The following USP46 variants were observed in gnomAD, a reference collection of about 807,000 sequenced individuals.
The protein encoded by USP46 is ubiquitin carboxyl-terminal hydrolase 46.
In USP46, 12 loss-of-function variants were observed where a neutral mutation model predicts 44.4. That is an observed-to-expected ratio of 0.27 (90% confidence interval 0.17 to 0.44). The LOEUF is 0.44. Ranked by LOEUF, USP46 falls within the 20% of genes least tolerant of loss-of-function variation. The probability of loss-of-function intolerance (pLI) is 1.00; values close to 1 mark genes in which losing one functional copy is unlikely to be tolerated. For synonymous variants in USP46, 155 were observed against 161.5 expected (o/e 0.96, Z 0.31); for missense variants, 248 against 444.8 (o/e 0.56, Z 3.98).
At chr4:52,647,188 C>T (rs374914387) in intron 1 of USP46, among the ~76,000 whole-genome samples, 10 of 152,164 alleles carry the variant, frequency 6.6e-5, no homozygotes, top group African/African-American at 2.2e-4. Flanking sequence ...GACCCTCCTA[C>T]AAGACACAAA....
At chr4:52,604,641 T>C in intron 5 of USP46, 57 bp from the exon 6 acceptor site, 1 of 1,211,496 alleles carries the variant, frequency 8.3e-7, no homozygotes, top group Admixed American at 2.4e-5. Context: ...TGGTATACTA[T>C]GTTTTAAATC....
chr4:52,631,010 T>C, intron 2 of USP46, 54 bp downstream of exon 2: 1 of 1,451,584 alleles, frequency 6.9e-7, no homozygotes, highest in Non-Finnish European at 9.4e-7. Context: ...TAAAGTGGAG[T>C]TGCTTCATAT....
intron 2 of USP46, 71 bp from the exon 3 acceptor site, chr4:52,628,234 G>A: frequency 6.7e-7 from 1 of 1,486,798 alleles, no homozygotes; most frequent in Non-Finnish European, 9.2e-7. Context: ...AAGTGGTGAG[G>A]GTGAGAAGGT....
At chr4:52,643,250 T>C (rs973238520) in intron 1 of USP46, among the ~76,000 whole-genome samples, 3 of 152,184 alleles carry the variant, frequency 2.0e-5, no homozygotes, top group East Asian at 1.9e-4. Flanking sequence ...TTCCCACTCA[T>C]AGAATCCTGT....
chr4:52,647,749 A>G (rs947047537), intron 1 of USP46, among the ~76,000 whole-genome samples: 3 of 152,302 alleles, frequency 2.0e-5, no homozygotes, highest in Non-Finnish European at 2.9e-5. Context: ...ACTGAAAACC[A>G]TAGCTGGTTT....
rs1378511772 is a variant in USP46 at position 52,594,928 on chromosome 4, C to G, written c.*2712G>C. The G allele has an allele frequency of 6.6e-6, 1 of 152,108 alleles. No homozygotes were observed. Among genetic ancestry groups the G allele is most frequent in the South Asian group, 2.1e-4 (1 of 4,822 alleles). The allele number at this position is 152,108 out of a possible 1,614,324, so 9.4% of individuals were successfully genotyped here. The stretch of plus-strand genomic sequence containing the variant: ...GCATCAACACAATAGGACCAGATGC[C>G]AGCATTTTACCAACATTTACTTTTA... On this transcript the variant is annotated 3_prime_UTR_variant, in exon 9 of 9. Transcript: ENST00000441222.
intron 4 of USP46, among the ~76,000 whole-genome samples, chr4:52,611,088 T>C (rs1177674189): frequency 2.0e-5 from 3 of 151,782 alleles, no homozygotes; most frequent in Non-Finnish European, 4.4e-5. Flanking sequence ...TCATTCAAAC[T>C]GTGTGGTGGG....
intron 1 of USP46, among the ~76,000 whole-genome samples, chr4:52,653,849 G>A (rs1718857611): frequency 6.6e-6 from 1 of 152,092 alleles, no homozygotes; most frequent in Non-Finnish European, 1.5e-5. Flanking sequence ...GGAAAAAAAA[G>A]ACATCTGAGC....
At chr4:52,650,587 A>T (rs1042038464) in intron 1 of USP46, among the ~76,000 whole-genome samples, 3 of 152,270 alleles carry the variant, frequency 2.0e-5, no homozygotes, top group Non-Finnish European at 4.4e-5. Context: ...AAGTAACCAA[A>T]TATGGCTACA....
At chr4:52,614,851 A>C (rs141667022) in intron 4 of USP46, among the ~76,000 whole-genome samples, 1,776 of 152,356 alleles carry the variant, frequency 0.012, 22 homozygotes, top group Non-Finnish European at 0.017. Flanking sequence ...CAACTACAGC[A>C]TAAAGAACAA....
In USP46 at chr4:52,659,099, C is replaced by G. The variant is rs754789157; in HGVS notation, c.36+16G>C. 1.3e-6 allele frequency: 2 copies of G among 1,555,290 alleles called. No homozygotes were observed. Among genetic ancestry groups the G allele is most frequent in the African/African-American group, 2.8e-5 (2 of 70,736 alleles). On this transcript the variant is annotated intron_variant, in intron 1 of 8. Transcript: ENST00000441222. This position sits in a 1 kb window ranked among gnomAD's most constrained non-coding sequence, Gnocchi z 4.2. ...CCGCGAGTCGGGCGCGACCCCGAGG[C>G]GGCTCGGCCACTCACCATATTACAG... is the stretch of plus-strand genomic sequence containing the variant.
At chr4:52,641,608 A>G (rs1718343082) in intron 1 of USP46, among the ~76,000 whole-genome samples, 1 of 152,238 alleles carries the variant, frequency 6.6e-6, no homozygotes, top group South Asian at 2.1e-4. Context: ...CAATGGCATT[A>G]AAAGGTCTGG....
chr4:52,617,890 C>A (rs1717223418), intron 4 of USP46, among the ~76,000 whole-genome samples: 1 of 152,194 alleles, frequency 6.6e-6, no homozygotes, highest in Non-Finnish European at 1.5e-5. Flanking sequence ...TTAGCAAGTA[C>A]AAGCTATATC....
intron 1 of USP46, among the ~76,000 whole-genome samples, chr4:52,644,517 A>G (rs1004740048): frequency 6.6e-6 from 1 of 152,138 alleles, no homozygotes; most frequent in East Asian, 1.9e-4. Flanking sequence ...CAGCAATAGC[A>G]TTAGATTCTC....
intron 7 of USP46, among the ~76,000 whole-genome samples, chr4:52,599,637 T>A (rs1716383624): frequency 6.6e-6 from 1 of 152,190 alleles, no homozygotes; most frequent in Non-Finnish European, 1.5e-5. Context: ...AAAGGACAAC[T>A]AAGCACCTGT....
chr4:52,635,732 C>A (rs535475307), intron 1 of USP46, among the ~76,000 whole-genome samples: 1 of 152,206 alleles, frequency 6.6e-6, no homozygotes, highest in African/African-American at 2.4e-5. Flanking sequence ...CACACACCCA[C>A]ACTGCCCCAA....
At chr4:52,633,286 T>C (rs926681024) in intron 1 of USP46, among the ~76,000 whole-genome samples, 4 of 152,224 alleles carry the variant, frequency 2.6e-5, no homozygotes, top group Non-Finnish European at 5.9e-5. Context: ...CTTAATACTG[T>C]TGCACCAAAC....
intron 3 of USP46, among the ~76,000 whole-genome samples, chr4:52,627,333 T>G (rs1044052854): frequency 1.3e-4 from 20 of 152,330 alleles, no homozygotes; most frequent in African/African-American, 3.8e-4. Context: ...GTAATTGCCA[T>G]AACAAATATC....
intron 5 of USP46, among the ~76,000 whole-genome samples, chr4:52,605,435 T>C (rs1716650302): frequency 6.6e-6 from 1 of 152,240 alleles, no homozygotes; most frequent in Non-Finnish European, 1.5e-5. Context: ...ACTAATACCC[T>C]ATAGTTTTGA....
Sources: allele counts gnomAD v4.1 joint callset (sites outside exome capture counted in the v4.1 genomes callset), GRCh38; gene constraint gnomAD v4.1.1; non-coding constraint Gnocchi (gnomAD v3.1); transcripts MANE v1.5; gene names NCBI Gene and HGNC (gene_info 2026-07-23, HGNC 2026-07-21).